The following MGAT4C variants were observed in gnomAD, a reference collection of about 807,000 sequenced individuals.
MGAT4C encodes alpha-1,3-mannosyl-glycoprotein 4-beta-N-acetylglucosaminyltransferase C.
MGAT4C carries 19 observed loss-of-function variants against 40.1 expected under a neutral mutation model. The observed-to-expected ratio is 0.47, with a 90% CI of 0.33 to 0.70. The LOEUF (loss-of-function observed/expected upper bound fraction) is 0.70, where lower values mean the gene tolerates loss of function less well. Among genes scored for constraint, MGAT4C ranks in the 30% least tolerant of loss-of-function variants. MGAT4C has a pLI of 0.02. For synonymous variants in MGAT4C, 181 were observed against 187.1 expected, an observed-to-expected ratio of 0.97 and a Z score of 0.27; for missense variants, 491 against 563.2, an observed-to-expected ratio of 0.87 and a Z score of 1.30.
chr12:86,744,201 G>T (rs1281201611), intron 1 of MGAT4C, among the ~76,000 whole-genome samples: 1 of 151,524 alleles, frequency 6.6e-6, no homozygotes, highest in Non-Finnish European at 1.5e-5. Flanking sequence ...TTTATGGCCA[G>T]TTAGGGAGAC....
At chr12:86,534,148 A>G (rs1959032362) in intron 2 of MGAT4C, among the ~76,000 whole-genome samples, 1 of 152,012 alleles carries the variant, frequency 6.6e-6, no homozygotes, top group Non-Finnish European at 1.5e-5. Context: ...ATTCACCAAG[A>G]GAGTTTGCCA....
chr12:86,197,300 C>T (rs1949852712), intron 1 of MGAT4C, among the ~76,000 whole-genome samples: 1 of 152,130 alleles, frequency 6.6e-6, no homozygotes, highest in African/African-American at 2.4e-5. Flanking sequence ...TAAAGATCTT[C>T]TTATTTATCT....
At chr12:86,679,168 T>C (rs1163540090) in intron 2 of MGAT4C, among the ~76,000 whole-genome samples, 1 of 152,170 alleles carries the variant, frequency 6.6e-6, no homozygotes, top group African/African-American at 2.4e-5. Context: ...ATTTGCATTT[T>C]TCTGATAGCC....
chr12:86,423,022 T>C (rs1377000970), intron 3 of MGAT4C, among the ~76,000 whole-genome samples: 1 of 152,170 alleles, frequency 6.6e-6, no homozygotes, highest in Non-Finnish European at 1.5e-5. Flanking sequence ...AACATCAGAA[T>C]AATATGGGCT....
intron 1 of MGAT4C, among the ~76,000 whole-genome samples, chr12:86,252,112 T>C (rs1466553488): frequency 5.9e-5 from 9 of 152,030 alleles, no homozygotes; most frequent in Non-Finnish European, 1.3e-4. Flanking sequence ...CTGAAAGAAG[T>C]GGAAAAGTCT....
intron 4 of MGAT4C, among the ~76,000 whole-genome samples, chr12:86,311,412 CAT>C (rs1183894670): frequency 1.3e-5 from 2 of 152,272 alleles, no homozygotes; most frequent in South Asian, 2.1e-4. Context: ...CTGACTGAAA[CAT>C]AATGCAGTGC....
At chr12:86,325,842 A>C (rs888785833) in intron 4 of MGAT4C, among the ~76,000 whole-genome samples, 1 of 151,876 alleles carries the variant, frequency 6.6e-6, no homozygotes, top group Non-Finnish European at 1.5e-5. Flanking sequence ...ATACCACTGC[A>C]CTCTTGCCTG....
chr12:86,577,922 G>T (rs950817052), intron 2 of MGAT4C, among the ~76,000 whole-genome samples: 1 of 151,586 alleles, frequency 6.6e-6, no homozygotes, highest in African/African-American at 2.4e-5. Context: ...ATTTTATTAT[G>T]GGTAGGGTCA....
At chr12:86,218,297 T>C (rs1950748032) in intron 1 of MGAT4C, among the ~76,000 whole-genome samples, 1 of 152,154 alleles carries the variant, frequency 6.6e-6, no homozygotes, top group African/African-American at 2.4e-5. Context: ...TTTACTATTT[T>C]TTCACAGTGA....
chr12:86,739,133 CAAAAAAAAAAAAAAA>C (rs59869666), intron 1 of MGAT4C, among the ~76,000 whole-genome samples: 4 of 39,772 alleles, frequency 1.0e-4, no homozygotes, highest in Admixed American at 4.2e-4. Context: ...TTTCCCTGTG[CAAAAAAAAAAAAAAA>C]AAAAAAAAAA....
intron 2 of MGAT4C, among the ~76,000 whole-genome samples, chr12:85,999,583 G>GTGTGTATA (rs1226916126): frequency 8.1e-6 from 1 of 122,966 alleles, no homozygotes; most frequent in African/African-American, 2.9e-5. Context: ...GTGTGTGTGT[G>GTGTGTATA]TATATATATA....
At chr12:86,357,254 G>A (rs906372647) in intron 3 of MGAT4C, among the ~76,000 whole-genome samples, 1 of 152,192 alleles carries the variant, frequency 6.6e-6, no homozygotes, top group Non-Finnish European at 1.5e-5. Context: ...AACTGCAGCT[G>A]AGGGTCCTGA....
chr12:86,727,120 C>T (rs1442838222), intron 2 of MGAT4C: 1 of 152,010 alleles, frequency 6.6e-6, no homozygotes, highest in Non-Finnish European at 1.5e-5. Context: ...CAAATTATTC[C>T]ACCCTAGTTG....
At chr12:86,767,605 C>G (rs1265998906) in intron 1 of MGAT4C, among the ~76,000 whole-genome samples, 1 of 152,080 alleles carries the variant, frequency 6.6e-6, no homozygotes, top group Non-Finnish European at 1.5e-5. Context: ...AACACTGATG[C>G]AAAAATCCTC....
intron 4 of MGAT4C, among the ~76,000 whole-genome samples, chr12:86,325,007 T>C (rs1954492042): frequency 6.6e-6 from 1 of 152,158 alleles, no homozygotes; most frequent in South Asian, 2.1e-4. Flanking sequence ...AAAATAAATG[T>C]CAATTTTTTG....
intron 2 of MGAT4C, among the ~76,000 whole-genome samples, chr12:86,008,834 A>C (rs192395149): frequency 6.6e-6 from 1 of 152,226 alleles, no homozygotes; most frequent in African/African-American, 2.4e-5. Context: ...AATTTTGTCA[A>C]ATATTTTTTC....
intron 3 of MGAT4C, among the ~76,000 whole-genome samples, chr12:86,386,485 G>A (rs573995100): frequency 6.6e-6 from 1 of 152,188 alleles, no homozygotes; most frequent in African/African-American, 2.4e-5. Flanking sequence ...GAGAAGTCTT[G>A]GACCGTTAAT....
At chr12:86,385,583 G>T (rs1956035052) in intron 3 of MGAT4C, among the ~76,000 whole-genome samples, 1 of 152,190 alleles carries the variant, frequency 6.6e-6, no homozygotes, top group African/African-American at 2.4e-5. Context: ...ACCTTTTGTG[G>T]TCCAAGCCTG....
chr12:86,110,874 C>T (rs1025285420), intron 1 of MGAT4C, among the ~76,000 whole-genome samples: 20 of 151,530 alleles, frequency 1.3e-4, no homozygotes, highest in Non-Finnish European at 2.4e-4. Flanking sequence ...ACTATTATGC[C>T]GTTATATGTA....
Sources: allele counts gnomAD v4.1 joint callset (sites outside exome capture counted in the v4.1 genomes callset), GRCh38; gene constraint gnomAD v4.1.1; transcripts MANE v1.5; gene names NCBI Gene and HGNC (gene_info 2026-07-23, HGNC 2026-07-21).